The following BRF2 variants were observed in gnomAD, a reference collection of about 807,000 sequenced individuals.
BRF2 encodes the protein BRF2 general transcription factor IIIB subunit, also known as transcription factor IIIB 50 kDa subunit.
A neutral mutation model predicts 26.6 loss-of-function variants in BRF2; 17 were observed. The ratio of observed to expected loss-of-function variants is 0.64; its 90% CI spans 0.44 to 0.96. The LOEUF (loss-of-function observed/expected upper bound fraction) is 0.96, where lower values mean the gene tolerates loss of function less well. BRF2 is among the 40% of genes least tolerant of loss of function. The probability of loss-of-function intolerance (pLI) is 0.00; values close to 1 mark genes in which losing one functional copy is unlikely to be tolerated. For missense variants in BRF2, 515 were observed against 537.0 expected, an observed-to-expected ratio of 0.96 and a Z score of 0.40; for synonymous variants, 219 against 226.6, an observed-to-expected ratio of 0.97 and a Z score of 0.30.
intron 2 of BRF2, among the ~76,000 whole-genome samples, chr8:37,847,779 C>G (rs938723769): frequency 9.9e-5 from 15 of 152,058 alleles, no homozygotes; most frequent in African/African-American, 3.4e-4. Context: ...ATCTGCCCGT[C>G]TCGGCCTCCC....
intron 3 of BRF2, chr8:37,845,722 A>G: frequency 1.4e-6 from 1 of 699,900 alleles, no homozygotes. Flanking sequence ...AGATCGCTTG[A>G]GCCCATGAGT....
At chr8:37,849,125 C>T (rs77575928) in intron 1 of BRF2, among the ~76,000 whole-genome samples, 34,412 of 151,918 alleles carry the variant, frequency 0.23, 4,029 homozygotes, top group Middle Eastern at 0.27. Context: ...TGTCTCGTTA[C>T]GTTACCAAGG....
rs188865856 is a variant in BRF2, at chr8:37,847,260, T to C, written c.215-85A>G. The C allele has an allele frequency of 1.2e-5, 15 of 1,213,128 alleles. No individual in the cohort carries two copies. In the African/African-American group the frequency reaches 1.9e-4, roughly 16 times the overall value. The allele number at this position is 1,213,128 out of a possible 1,614,324, so 75.1% of individuals were successfully genotyped here. A position where few individuals can be genotyped will look rare whatever the true frequency, so the allele number is the denominator to read the frequency against. On this transcript the variant is annotated intron_variant, in intron 2 of 3. Coordinates refer to ENST00000220659, the MANE Select transcript of BRF2 (RefSeq NM_018310.4). ...AAAATTCTGCTAGGACTTACTTAGA[T>C]CTGCTAAACTTGCCTCAGATATCAG...
chr8:37,845,053 C>A lies in BRF2; in HGVS notation c.697G>T (p.Ala233Ser). 1 of 1,613,912 alleles carries A rather than the reference C, an allele frequency of 6.2e-7. No individual in the cohort carries two copies. Reference protein sequence around the residue: ...LPVITAATFLAWQSLQPADRL... With the variant: ...LPVITAATFLSWQSLQPADRL... ...TCTGCAGGCTGCAGCGACTGCCAAG[C>A]CAGGAAAGTCGCAGCAGTGATGACG... Residue 233 changes from alanine to serine, a missense_variant, in exon 4 of 4, where the codon GCT (alanine) becomes TCT (serine). Transcript: ENST00000220659.
chr8:37,843,749 A>G lies in BRF2; in HGVS notation c.*741T>C, dbSNP rs1026202141. 1 of 152,644 alleles carries G rather than the reference A, an allele frequency of 6.6e-6. No homozygotes were observed. Among genetic ancestry groups the G allele is most frequent in the African/African-American group, 2.4e-5 (1 of 41,436 alleles). 9.5% of individuals were successfully genotyped at this position (152,644 alleles called of 1,614,324 possible). On this transcript the variant is annotated 3_prime_UTR_variant, in exon 4 of 4. Transcript: ENST00000220659. ...TGCACAGACATATTAGAAGAAAAAA[A>G]AAAGCTTTGTATTATTCTTCCACAT...
intron 2 of BRF2, among the ~76,000 whole-genome samples, chr8:37,848,240 G>A (rs1457454538): frequency 5.4e-5 from 8 of 148,546 alleles, no homozygotes; most frequent in Non-Finnish European, 8.9e-5. Flanking sequence ...ATGAGCCACC[G>A]CGCCCGGCTC....
At position 37,846,891 on chromosome 8, in the gene BRF2, G is replaced by A; in HGVS notation, c.499C>T (p.Leu167=). The part of the protein sequence containing the change: ...VKLLGLDVPS[L]CLAELVKTYC... ...GTCTTCACCAGTTCTGCCAAGCACA[G>A]AGATGGCACATCCAGTCCCAGGAGC... Residue 167 remains leucine, a synonymous_variant, in exon 3 of 4, where the codon CTG becomes TTG. Coordinates refer to ENST00000220659, the MANE Select transcript of BRF2 (RefSeq NM_018310.4). The A allele has an allele frequency of 1.9e-6, 3 of 1,614,090 alleles. No homozygotes were observed. Among genetic ancestry groups the A allele is most frequent in the South Asian group, 2.2e-5 (2 of 91,082 alleles).
chr8:37,847,298 T>C (rs1229914193), intron 2 of BRF2, 123 bp from the exon 3 acceptor site: 2 of 788,984 alleles, frequency 2.5e-6, no homozygotes, highest in Non-Finnish European at 4.4e-6. Context: ...GCACAAATTA[T>C]GTACCTTTCT....
Position 37,849,746 on chromosome 8 carries a change from G to A in BRF2, c.38C>T (p.Thr13Met), listed in dbSNP as rs756917476. Reference protein sequence around the residue: ...GRGRCPDCGSTELVEDSHYSQ... With the variant: ...GRGRCPDCGSMELVEDSHYSQ... ...ATAGTGCGAGTCTTCCACCAGCTCCGTGGAGCCGCAGTCCGGGCAGCGGCC... is the reference window on the plus strand; with the variant it reads ...ATAGTGCGAGTCTTCCACCAGCTCCATGGAGCCGCAGTCCGGGCAGCGGCC... The change falls in exon 1 of 4, where the codon ACG becomes ATG. Residue 13 changes from threonine to methionine, a missense_variant. By Grantham distance (81) the Thr-to-Met change is moderately conservative. Transcript: ENST00000220659. 1.9e-6 allele frequency: 3 copies of A among 1,612,988 alleles called. No individual in the cohort carries two copies. Among genetic ancestry groups the A allele is most frequent in the East Asian group, 2.2e-5 (1 of 44,870 alleles).
In BRF2 at chr8:37,844,957, G is replaced by A. The variant is rs751550570; in HGVS notation, c.793C>T (p.Arg265Cys). ...AGCACAGCCAGCAGCTCCTGCAGGCGGGAGGACGCCGGGTAGGGCAGGTCC... is the reference window on the plus strand; with the variant it reads ...AGCACAGCCAGCAGCTCCTGCAGGCAGGAGGACGCCGGGTAGGGCAGGTCC... ...NVDLPYPASS[R>C]LQELLAVLLR... Residue 265 changes from arginine to cysteine, a missense_variant, in exon 4 of 4, where the codon CGC becomes TGC. Coordinates refer to ENST00000220659, the MANE Select transcript of BRF2 (RefSeq NM_018310.4). 9.9e-6 allele frequency: 16 copies of A among 1,613,980 alleles called. No individual in the cohort carries two copies. Among genetic ancestry groups the A allele is most frequent in the East Asian group, 2.2e-5 (1 of 44,878 alleles).
chr8:37,843,782 C>A lies in BRF2; in HGVS notation c.*708G>T, dbSNP rs1805889995. ...TGTATTATTCTTCCACATATGCTGG[C>A]TGCTGTTTACACACCCTGCCAATGC... is the stretch of plus-strand genomic sequence containing the variant. On this transcript the variant is annotated 3_prime_UTR_variant, in exon 4 of 4. Transcript: ENST00000220659. 1 of 152,540 alleles carries A rather than the reference C, an allele frequency of 6.6e-6. No homozygotes were observed. The highest frequency in any genetic ancestry group is 2.4e-5 in the African/African-American group (1 of 41,386). The allele number at this position is 152,540 out of a possible 1,614,324, so 9.4% of individuals were successfully genotyped here.
chr8:37,847,109 A>G lies in BRF2; in HGVS notation c.281T>C (p.Val94Ala), dbSNP rs879027681. ...CCGATATGCCTGTTGGTAGTAGGCA[A>G]CCGCGGTATCCTCAAATGTTGGTGG... ...QLPPTFEDTA[V>A]AYYQQAYRHS... The change falls in exon 3 of 4, where the codon GTT becomes GCT. Residue 94 changes from valine to alanine, a missense_variant. Transcript: ENST00000220659. 1 of 1,611,096 alleles carries G rather than the reference A, an allele frequency of 6.2e-7. No homozygotes were observed. The highest frequency in any genetic ancestry group is 1.1e-5 in the South Asian group (1 of 91,000).
chr8:37,847,248 G>GAC lies in BRF2; in HGVS notation c.215-75_215-74dup, dbSNP rs1180921295. ...TGCAACTCCTAGAAAATTCTGCTAG[G>GAC]ACTTACTTAGATCTGCTAAACTTGC... On this transcript the variant is annotated intron_variant, in intron 2 of 3. Coordinates refer to ENST00000220659, the MANE Select transcript of BRF2 (RefSeq NM_018310.4). 5.9e-6 allele frequency: 8 copies of GAC among 1,356,852 alleles called. No individual in the cohort carries two copies. In the African/African-American group the frequency reaches 1.1e-4, roughly 19 times the overall value. 84.1% of individuals were successfully genotyped at this position (1,356,852 alleles called of 1,614,324 possible). A position where few individuals can be genotyped will look rare whatever the true frequency, so the allele number is the denominator to read the frequency against.
Position 37,849,548 on chromosome 8 carries a change from G to A in BRF2, c.154+82C>T, listed in dbSNP as rs552947268. Reference sequence around the variant, plus strand: ...AATTAAGTGTGTGCGTTACAGTTAGGAGTATGGGGGGAGCGGGGAGGCAAA... The same window carrying A: ...AATTAAGTGTGTGCGTTACAGTTAGAAGTATGGGGGGAGCGGGGAGGCAAA... On this transcript the variant is annotated intron_variant, in intron 1 of 3. Transcript: ENST00000220659. 4 of 1,128,752 alleles carry A rather than the reference G, an allele frequency of 3.5e-6. No individual in the cohort carries two copies. In the South Asian group the frequency reaches 5.5e-5, roughly 16 times the overall value. 69.9% of individuals were successfully genotyped at this position (1,128,752 alleles called of 1,614,324 possible).
chr8:37,847,857 T>A (rs1805990573), intron 2 of BRF2, among the ~76,000 whole-genome samples: 1 of 151,840 alleles, frequency 6.6e-6, no homozygotes. Flanking sequence ...TCTCTTCTAC[T>A]CTACCTCACA....
chr8:37,845,852 T>C (rs1047371755), intron 3 of BRF2: 3 of 592,420 alleles, frequency 5.1e-6, no homozygotes, highest in African/African-American at 1.9e-5. Context: ...TTAACTAATA[T>C]ACTTTCAGCT....
chr8:37,849,746 G>T lies in BRF2; in HGVS notation c.38C>A (p.Thr13Lys), dbSNP rs756917476. The change falls in exon 1 of 4, where the codon ACG (threonine) becomes AAG (lysine). Residue 13 changes from threonine (T) to lysine (K), a missense_variant. Coordinates refer to ENST00000220659, the MANE Select transcript of BRF2 (RefSeq NM_018310.4). ...GRGRCPDCGS[T>K]ELVEDSHYSQ... is the part of the protein sequence containing the mutation. ...ATAGTGCGAGTCTTCCACCAGCTCC[G>T]TGGAGCCGCAGTCCGGGCAGCGGCC... 6.2e-7 allele frequency: 1 copy of T among 1,612,988 alleles called. No homozygotes were observed. Among genetic ancestry groups the T allele is most frequent in the African/African-American group, 1.3e-5 (1 of 75,046 alleles).
chr8:37,844,739 C>T lies in BRF2; in HGVS notation c.1011G>A (p.Glu337=), dbSNP rs1471320127. The change falls in exon 4 of 4, where the codon GAG becomes GAA. Residue 337 remains glutamate (E), a synonymous_variant. Transcript: ENST00000220659. ...PGWGQGQGEG[E]VGNNSLGLPQ... ...GTAAACCTAAGGAATTATTTCCCAC[C>T]TCCCCTTCTCCTTGCCCCTGTCCCC... 1.2e-6 allele frequency: 2 copies of T among 1,614,088 alleles called. No individual in the cohort carries two copies. The highest frequency in any genetic ancestry group is 1.6e-4 in the Middle Eastern group (1 of 6,062).
rs1015539907 is a variant in BRF2, at chr8:37,846,886, G to A, written c.504C>T (p.Cys168=). The A allele has an allele frequency of 3.1e-6, 5 of 1,613,876 alleles. No individual in the cohort carries two copies. Among genetic ancestry groups the A allele is most frequent in the Non-Finnish European group, 4.2e-6 (5 of 1,179,896 alleles). ...KLLGLDVPSL[C]LAELVKTYCS... ...AATAGGTCTTCACCAGTTCTGCCAA[G>A]CACAGAGATGGCACATCCAGTCCCA... Residue 168 remains cysteine, a synonymous_variant, in exon 3 of 4, where the codon TGC becomes TGT. Transcript: ENST00000220659.
Sources: allele counts gnomAD v4.1 joint callset (sites outside exome capture counted in the v4.1 genomes callset), GRCh38; gene constraint gnomAD v4.1.1; transcripts MANE v1.5; gene names NCBI Gene and HGNC (gene_info 2026-07-23, HGNC 2026-07-21).